Variants in NRXN3 observed in about 807,000 individuals in gnomAD.
The protein encoded by NRXN3 is neurexin 3, also known as neurexin III.
In NRXN3, 32 loss-of-function variants were observed where a neutral mutation model predicts 137.6. The ratio of observed to expected loss-of-function variants is 0.23; its 90% CI spans 0.18 to 0.31. The LOEUF is 0.31. NRXN3 is among the 10% of genes least tolerant of loss of function. The pLI, the probability that NRXN3 is intolerant of heterozygous loss-of-function variation, is 1.00. For missense variants in NRXN3, 1,574 were observed against 2,062.5 expected, an observed-to-expected ratio of 0.76 and a Z score of 4.59; for synonymous variants, 798 against 784.5, an observed-to-expected ratio of 1.02 and a Z score of -0.29.
rs962139385 is a variant in NRXN3 at position 79,165,542 on chromosome 14, T to G, written c.3262+177401T>G. On this transcript the variant is annotated intron_variant, in intron 15 of 20. Transcript: ENST00000335750. ...TCCTGATCTGGTTACTGGGAATCTA[T>G]GCAGACACACACAATCCAACCTCTG... 7.2e-5 allele frequency among the ~76,000 whole-genome samples: 11 copies of G among 152,156 alleles called. No individual in the cohort carries two copies. The South Asian group carries it at 1.2e-3, about 17-fold the overall frequency.
chr14:78,669,942 TG>T (rs560455256), intron 6 of NRXN3, among the ~76,000 whole-genome samples: 139 of 152,226 alleles, frequency 9.1e-4, no homozygotes, highest in Non-Finnish European at 1.3e-3. Context: ...ACGCATATCC[TG>T]GTGGTTTGCT....
intron 15 of NRXN3, among the ~76,000 whole-genome samples, chr14:79,068,551 C>T (rs1459518109): frequency 6.6e-6 from 1 of 152,070 alleles, no homozygotes; most frequent in African/African-American, 2.4e-5. Context: ...TAAATTTGAT[C>T]TTTCTTGAAT....
At chr14:79,779,715 C>T (rs1011859716) in intron 19 of NRXN3, among the ~76,000 whole-genome samples, 1 of 152,166 alleles carries the variant, frequency 6.6e-6, no homozygotes, top group Non-Finnish European at 1.5e-5. Context: ...GAATCTTCCT[C>T]ATTATACTCA....
chr14:78,801,588 C>T (rs1406707534), intron 8 of NRXN3, among the ~76,000 whole-genome samples: 1 of 152,174 alleles, frequency 6.6e-6, no homozygotes, highest in Non-Finnish European at 1.5e-5. Context: ...TCCCACTAGG[C>T]CCCTCCTTCG....
chr14:79,244,818 T>G lies in NRXN3; in HGVS notation c.3263-222403T>G, dbSNP rs144834040. 3.5e-4 allele frequency among the ~76,000 whole-genome samples: 53 copies of G among 152,278 alleles called. No individual in the cohort carries two copies. In the East Asian group the frequency reaches 9.9e-3, roughly 28 times the overall value. On this transcript the variant is annotated intron_variant, in intron 15 of 20. Coordinates refer to ENST00000335750, the MANE Select transcript of NRXN3 (RefSeq NM_001330195.2). ...AGGCATTACTGAATAGGCAATGATTTCAACTCATTTGTATGTATCTTTTAA... is the reference window on the plus strand; with the variant it reads ...AGGCATTACTGAATAGGCAATGATTGCAACTCATTTGTATGTATCTTTTAA...
At chr14:79,203,786 C>T (rs1223038249) in intron 15 of NRXN3, among the ~76,000 whole-genome samples, 1 of 152,162 alleles carries the variant, frequency 6.6e-6, no homozygotes, top group South Asian at 2.1e-4. Flanking sequence ...GGATTAAATA[C>T]TATATACATG....
chr14:79,771,249 G>C (rs1272176654), intron 19 of NRXN3, among the ~76,000 whole-genome samples: 1 of 152,180 alleles, frequency 6.6e-6, no homozygotes, highest in African/African-American at 2.4e-5. Flanking sequence ...AATAGAAAAA[G>C]AGGGAATCCT....
At chr14:79,451,283 G>A (rs897827665) in intron 15 of NRXN3, among the ~76,000 whole-genome samples, 108 of 152,236 alleles carry the variant, frequency 7.1e-4, no homozygotes, top group African/African-American at 2.5e-3. Context: ...CATAACACGG[G>A]TTCTGGGTCT....
At chr14:79,538,425 G>A (rs968135221) in intron 16 of NRXN3, among the ~76,000 whole-genome samples, 1 of 152,114 alleles carries the variant, frequency 6.6e-6, no homozygotes, top group Non-Finnish European at 1.5e-5. Context: ...TATGGTTTCA[G>A]GTCTAACATT....
At chr14:79,122,345 G>A (rs567726897) in intron 15 of NRXN3, among the ~76,000 whole-genome samples, 1 of 152,294 alleles carries the variant, frequency 6.6e-6, no homozygotes, top group East Asian at 1.9e-4. Flanking sequence ...AAACTGGCCA[G>A]AGGCATGTTC....
At chr14:78,876,041 G>A (rs995478050) in intron 10 of NRXN3, among the ~76,000 whole-genome samples, 8 of 152,264 alleles carry the variant, frequency 5.3e-5, no homozygotes, top group African/African-American at 1.9e-4. Context: ...CAGCCCAGCA[G>A]TCTTTTCATT....
chr14:78,288,798 A>G (rs890243660), intron 3 of NRXN3, among the ~76,000 whole-genome samples: 5 of 152,142 alleles, frequency 3.3e-5, no homozygotes, highest in Non-Finnish European at 5.9e-5. Context: ...TTCCCCACTA[A>G]GAGATGGAAT....
At position 78,235,026 on chromosome 14, in the gene NRXN3, G is replaced by GTATATATATATATATATA. The variant is rs377371263; in HGVS notation, c.-703-7354_-703-7353insATATATATATATATATAT. Among the ~76,000 whole-genome samples the GTATATATATATATATATA allele has an allele frequency of 1.9e-3, 168 of 87,270 alleles. 1 individual carries two copies. The highest frequency in any genetic ancestry group is 3.6e-3 in the Admixed American group (29 of 8,146). The allele number at this position is 87,270 out of a possible 152,430, so 57.3% of individuals were successfully genotyped here. A position where few individuals can be genotyped will look rare whatever the true frequency, so the allele number is the denominator to read the frequency against. On this transcript the variant is annotated intron_variant, in intron 1 of 20. Coordinates refer to ENST00000335750, the MANE Select transcript of NRXN3 (RefSeq NM_001330195.2). ...TATATATATATATATATATATATGT[G>GTATATATATATATATATA]TATATATATATGTGTGTGTGTGTGT... is the stretch of plus-strand genomic sequence containing the variant.
intron 2 of NRXN3, among the ~76,000 whole-genome samples, chr14:78,253,097 A>G (rs1285938949): frequency 6.6e-6 from 1 of 152,194 alleles, no homozygotes; most frequent in Non-Finnish European, 1.5e-5. Context: ...CTTGAAAGAC[A>G]AATCCTCCCA....
chr14:79,434,052 A>G (rs972813567), intron 15 of NRXN3, among the ~76,000 whole-genome samples: 1 of 152,208 alleles, frequency 6.6e-6, no homozygotes, highest in Non-Finnish European at 1.5e-5. Flanking sequence ...TCCATTTAAT[A>G]CATATGCTTG....
intron 4 of NRXN3, among the ~76,000 whole-genome samples, chr14:78,495,202 C>G (rs2095755996): frequency 6.8e-6 from 1 of 147,084 alleles, no homozygotes; most frequent in Admixed American, 7.0e-5. Context: ...GTCACTATAG[C>G]TTTTCTTGCC....
chr14:78,422,401 A>G (rs1432090738), intron 4 of NRXN3, among the ~76,000 whole-genome samples: 2 of 152,222 alleles, frequency 1.3e-5, no homozygotes, highest in Admixed American at 1.3e-4. Context: ...ACTGGCAGAT[A>G]GTAGTCTCTC....
intron 16 of NRXN3, among the ~76,000 whole-genome samples, chr14:79,575,639 A>G (rs2097657153): frequency 6.6e-6 from 1 of 152,122 alleles, no homozygotes; most frequent in Non-Finnish European, 1.5e-5. Flanking sequence ...CTAAAGCAGA[A>G]TTTCCCATCA....
At chr14:79,253,632 T>C (rs911794529) in intron 15 of NRXN3, among the ~76,000 whole-genome samples, 1 of 152,188 alleles carries the variant, frequency 6.6e-6, no homozygotes, top group African/African-American at 2.4e-5. Flanking sequence ...CTCAGGAAAC[T>C]TACAATCATG....
Sources: gnomAD v4.1 joint callset for allele counts (sites outside exome capture counted in the v4.1 genomes callset) on GRCh38, gnomAD v4.1.1 for gene constraint, MANE v1.5 for transcripts, NCBI Gene and HGNC (gene_info 2026-07-23, HGNC 2026-07-21) for gene names.